Variants in FAAH2 observed in about 807,000 individuals in gnomAD.
FAAH2 encodes fatty-acid amide hydrolase 2.
FAAH2 carries 60 observed loss-of-function variants against 36.9 expected under a neutral mutation model. That is an observed-to-expected ratio of 1.63 (90% CI 1.32 to 2.02). The LOEUF (loss-of-function observed/expected upper bound fraction) is 2.02. Ranked by LOEUF, FAAH2 falls within the 30% of genes most tolerant of loss-of-function variation. FAAH2 has a pLI of 0.00. For missense variants in FAAH2, 689 were observed against 397.5 expected (o/e 1.73, Z -6.23); for synonymous variants, 214 against 143.8 (o/e 1.49, Z -3.49).
chrX:57,341,615 GT>G lies in FAAH2; in HGVS notation c.742+238del, dbSNP rs371841057. On this transcript the variant is annotated intron_variant, in intron 5 of 10. Coordinates refer to ENST00000374900, the MANE Select transcript of FAAH2 (RefSeq NM_174912.4). ...ATGTCTTTCAATAGTTATAATAGTT[GT>G]TTTTTTTTTTTTCAGAAAGTTATCC... 8.1e-3 allele frequency among the ~76,000 whole-genome samples: 778 copies of G among 96,114 alleles called. 4 individuals carry two copies. The highest frequency in any genetic ancestry group is 0.052 in the East Asian group (163 of 3,137). 83.5% of individuals were successfully genotyped at this position (96,114 alleles called of 115,157 possible). A position where few individuals can be genotyped will look rare whatever the true frequency, so the allele number is the denominator to read the frequency against.
At position 57,387,252 on chromosome X, in the gene FAAH2, T is replaced by C. The variant is rs770821956; in HGVS notation, c.996+6223T>C. 2.7e-5 allele frequency among the ~76,000 whole-genome samples: 3 copies of C among 111,543 alleles called. No homozygotes were observed. In the South Asian group the frequency reaches 1.1e-3, roughly 42 times the overall value. On this transcript the variant is annotated intron_variant, in intron 7 of 10. Transcript: ENST00000374900. ...TGCTAACCATCACCATTATTATTTA[T>C]AGAAAGTATGCCAAGGATAAATTAG...
At chrX:57,127,433 T>C in the FAAH2 span, among the ~76,000 whole-genome samples, 5 of 111,514 alleles carry the variant, frequency 4.5e-5, no homozygotes, top group African/African-American at 1.6e-4. Flanking sequence ...GTGATGAGCC[T>C]CTTATATTTT....
chrX:57,189,633 C>T, the FAAH2 span, among the ~76,000 whole-genome samples: 2 of 111,370 alleles, frequency 1.8e-5, no homozygotes, highest in Admixed American at 1.9e-4. Context: ...TTTCTTCTAA[C>T]AATCAGGCCC....
At chrX:57,135,616 T>G in the FAAH2 span, 1 of 916,721 alleles carries the variant, frequency 1.1e-6, no homozygotes, top group South Asian at 2.7e-5. Flanking sequence ...ACACCCGAAC[T>G]TTTCAACAAG....
rs1204599705 is a variant in FAAH2, at chrX:57,488,788, C to A, written c.1455C>A (p.Thr485=). 2 of 1,208,516 alleles carry A rather than the reference C, an allele frequency of 1.7e-6. No individual in the cohort carries two copies. Among genetic ancestry groups the A allele is most frequent in the Admixed American group, 2.2e-5 (1 of 45,453 alleles). ...GVFSALGLPV[T]QCPLGLNAKG... is the part of the protein sequence containing the mutation. Reference sequence around the variant, plus strand: ...TCAGTGCCCTGGGTTTGCCTGTGACCCAATGCCCACTGGGACTGAATGCCA... The same window carrying A: ...TCAGTGCCCTGGGTTTGCCTGTGACACAATGCCCACTGGGACTGAATGCCA... The change falls in exon 11 of 11, where the codon ACC becomes ACA. Residue 485 remains threonine (T), a synonymous_variant. Coordinates refer to ENST00000374900, the MANE Select transcript of FAAH2 (RefSeq NM_174912.4).
chrX:57,300,903 A>G (rs906253215), intron 2 of FAAH2, among the ~76,000 whole-genome samples: 5 of 112,254 alleles, frequency 4.5e-5, no homozygotes, highest in East Asian at 2.8e-4. Context: ...AATCAAAACC[A>G]CAATGAGATA....
intron 7 of FAAH2, chrX:57,394,600 C>T (rs1017722359): frequency 1.7e-6 from 2 of 1,165,542 alleles, no homozygotes; most frequent in African/African-American, 3.6e-5. Context: ...TCTGCATGAG[C>T]ATTGCAACCG....
At chrX:57,372,855 G>C (rs1174047933) in intron 5 of FAAH2, among the ~76,000 whole-genome samples, 2 of 110,185 alleles carry the variant, frequency 1.8e-5, no homozygotes, top group African/African-American at 6.6e-5. Context: ...CCAGTATATA[G>C]ATTTTTATCC....
At chrX:57,185,494 G>C in the FAAH2 span, among the ~76,000 whole-genome samples, 24 of 91,727 alleles carry the variant, frequency 2.6e-4, no homozygotes, top group African/African-American at 1.3e-3. Context: ...GTCTCTGTGT[G>C]TGTGTGTGTG....
intron 10 of FAAH2, among the ~76,000 whole-genome samples, chrX:57,456,973 G>A (rs1413351275): frequency 9.0e-6 from 1 of 111,227 alleles, no homozygotes; most frequent in African/African-American, 3.3e-5. Context: ...CAAAAATCTG[G>A]CAGAGACAAA....
the FAAH2 span, among the ~76,000 whole-genome samples, chrX:57,130,600 A>T: frequency 2.7e-5 from 3 of 112,274 alleles, no homozygotes; most frequent in Non-Finnish European, 1.9e-5. Context: ...TCATGTGCCC[A>T]CTGTTTAGTG....
the FAAH2 span, among the ~76,000 whole-genome samples, chrX:57,188,507 C>T: frequency 9.1e-6 from 1 of 110,369 alleles, no homozygotes; most frequent in Non-Finnish European, 1.9e-5. Flanking sequence ...AAAAAAACAG[C>T]TCCTGCATTC....
the FAAH2 span, among the ~76,000 whole-genome samples, chrX:57,205,254 G>C: frequency 8.9e-6 from 1 of 112,725 alleles, no homozygotes; most frequent in East Asian, 2.8e-4. Flanking sequence ...AGGTAATGCT[G>C]TATCTGCTTT....
intron 8 of FAAH2, among the ~76,000 whole-genome samples, chrX:57,440,799 T>C (rs1331492897): frequency 9.0e-6 from 1 of 111,272 alleles, no homozygotes; most frequent in Non-Finnish European, 1.9e-5. Flanking sequence ...TTATGGAGGG[T>C]TTTTAGCATG....
chrX:57,471,775 G>A (rs745701004), intron 10 of FAAH2, among the ~76,000 whole-genome samples: 9 of 111,388 alleles, frequency 8.1e-5, no homozygotes, highest in South Asian at 3.7e-4. Flanking sequence ...AAAAGAGCCC[G>A]CATTGCCAAG....
chrX:57,470,202 G>A (rs1436844025), intron 10 of FAAH2, among the ~76,000 whole-genome samples: 1 of 110,702 alleles, frequency 9.0e-6, no homozygotes, highest in Non-Finnish European at 1.9e-5. Context: ...ATAGGAGCAA[G>A]AGCGAACACA....
chrX:57,384,984 C>T (rs953492679), intron 7 of FAAH2, among the ~76,000 whole-genome samples: 1 of 111,325 alleles, frequency 9.0e-6, no homozygotes, highest in African/African-American at 3.3e-5. Context: ...TTTGTAGGGA[C>T]ATGGATGAAG....
chrX:57,480,265 G>A, intron 10 of FAAH2, among the ~76,000 whole-genome samples: 1 of 111,568 alleles, frequency 9.0e-6, no homozygotes, highest in African/African-American at 3.3e-5. Flanking sequence ...CATTTTATGG[G>A]GCCAGCATCA....
the FAAH2 span, among the ~76,000 whole-genome samples, chrX:57,146,558 C>A: frequency 1.3e-4 from 14 of 111,755 alleles, no homozygotes; most frequent in East Asian, 3.6e-3. Context: ...GCATTTATTT[C>A]TTTGTCTTGT....
Sources: gnomAD v4.1 joint callset for allele counts (sites outside exome capture counted in the v4.1 genomes callset) on GRCh38, gnomAD v4.1.1 for gene constraint, MANE v1.5 for transcripts, NCBI Gene and HGNC (gene_info 2026-07-23, HGNC 2026-07-21) for gene names.